EPHA6: variants seen among roughly 807,000 people sequenced by gnomAD.
The protein encoded by EPHA6 is ephrin type-A receptor 6.
A neutral mutation model predicts 112.0 loss-of-function variants in EPHA6; 50 were observed. That is an observed-to-expected ratio of 0.45 (90% CI 0.36 to 0.56). The LOEUF (loss-of-function observed/expected upper bound fraction) is 0.56. EPHA6 is among the 20% of genes least tolerant of loss of function. The pLI, the probability that EPHA6 is intolerant of heterozygous loss-of-function variation, is 0.00. For missense variants in EPHA6, 1,280 were observed against 1,417.4 expected, an observed-to-expected ratio of 0.90 and a Z score of 1.56; for synonymous variants, 529 against 490.7, an observed-to-expected ratio of 1.08 and a Z score of -1.03.
At chr3:96,903,921 T>C (rs929840478) in intron 2 of EPHA6, among the ~76,000 whole-genome samples, 142 of 152,106 alleles carry the variant, frequency 9.3e-4, no homozygotes, top group African/African-American at 3.2e-3. Flanking sequence ...CATCTCACAC[T>C]AGTTAGAATG....
intron 3 of EPHA6, among the ~76,000 whole-genome samples, chr3:97,218,948 A>G (rs570295072): frequency 1.3e-5 from 2 of 152,244 alleles, no homozygotes; most frequent in African/African-American, 4.8e-5. Flanking sequence ...ATTGACCAGA[A>G]CAAAAGGGCT....
intron 1 of EPHA6, among the ~76,000 whole-genome samples, chr3:96,832,094 A>G (rs1287592115): frequency 6.6e-6 from 1 of 152,106 alleles, no homozygotes; most frequent in East Asian, 1.9e-4. Flanking sequence ...TAATTCCTTA[A>G]AAATGCTGTC....
At chr3:97,605,179 C>CT (rs1340335246) in intron 12 of EPHA6, among the ~76,000 whole-genome samples, 34 of 150,340 alleles carry the variant, frequency 2.3e-4, no homozygotes, top group African/African-American at 4.9e-4. Context: ...ATTTAAGCTG[C>CT]TTTTTTTTTA....
chr3:97,586,416 C>T (rs746021671), intron 11 of EPHA6, among the ~76,000 whole-genome samples: 1 of 152,126 alleles, frequency 6.6e-6, no homozygotes, highest in African/African-American at 2.4e-5. Context: ...GTGACATAAA[C>T]TTATTGAATC....
intron 10 of EPHA6, among the ~76,000 whole-genome samples, chr3:97,500,345 G>A (rs997590091): frequency 6.6e-6 from 1 of 152,052 alleles, no homozygotes; most frequent in Non-Finnish European, 1.5e-5. Flanking sequence ...CAGGAAGCAC[G>A]ATGCTGACAC....
chr3:97,682,665 T>C (rs2031954241), intron 14 of EPHA6, among the ~76,000 whole-genome samples: 1 of 152,146 alleles, frequency 6.6e-6, no homozygotes, highest in Non-Finnish European at 1.5e-5. Context: ...GTGCGTTTAG[T>C]TCAAGCAATA....
intron 10 of EPHA6, among the ~76,000 whole-genome samples, chr3:97,522,282 C>T (rs2092555777): frequency 6.6e-6 from 1 of 152,046 alleles, no homozygotes; most frequent in Admixed American, 6.6e-5. Context: ...TTGTCAAATG[C>T]TTTTTCTGTA....
chr3:97,330,093 G>A (rs2082706209), intron 5 of EPHA6, among the ~76,000 whole-genome samples: 1 of 151,892 alleles, frequency 6.6e-6, no homozygotes, highest in South Asian at 2.1e-4. Flanking sequence ...CCCATTTCTT[G>A]TTTTTGTCAG....
intron 5 of EPHA6, among the ~76,000 whole-genome samples, chr3:97,261,117 A>G (rs1211812490): frequency 6.6e-5 from 10 of 152,330 alleles, no homozygotes; most frequent in Non-Finnish European, 8.8e-5. Context: ...CAGAGGAAAT[A>G]TTAGAAAATA....
At chr3:97,540,904 A>C (rs774450653) in intron 11 of EPHA6, among the ~76,000 whole-genome samples, 1 of 152,134 alleles carries the variant, frequency 6.6e-6, no homozygotes, top group South Asian at 2.1e-4. Flanking sequence ...GATAAATCCA[A>C]ATTGGGAAGG....
intron 3 of EPHA6, among the ~76,000 whole-genome samples, chr3:97,100,602 T>C (rs1247800564): frequency 1.3e-5 from 2 of 148,842 alleles, no homozygotes; most frequent in African/African-American, 5.1e-5. Flanking sequence ...CACTGTTCAT[T>C]GTGTGAGCAG....
chr3:97,487,727 G>T (rs2091731519), intron 10 of EPHA6, among the ~76,000 whole-genome samples: 1 of 151,580 alleles, frequency 6.6e-6, no homozygotes, highest in Admixed American at 6.6e-5. Flanking sequence ...GCTTATCTTT[G>T]TTCATCAATA....
chr3:97,115,337 A>C (rs991289848), intron 3 of EPHA6, among the ~76,000 whole-genome samples: 1 of 151,918 alleles, frequency 6.6e-6, no homozygotes, highest in East Asian at 1.9e-4. Flanking sequence ...AGGTAAGGAA[A>C]ACTATGAGAT....
chr3:97,465,903 C>CA (rs1021622991), intron 7 of EPHA6, among the ~76,000 whole-genome samples: 2 of 151,922 alleles, frequency 1.3e-5, no homozygotes, highest in African/African-American at 2.4e-5. Context: ...TTCAATTAAG[C>CA]AAAATATTTC....
At chr3:96,880,407 A>C (rs910434514) in intron 2 of EPHA6, among the ~76,000 whole-genome samples, 6 of 152,200 alleles carry the variant, frequency 3.9e-5, no homozygotes, top group Non-Finnish European at 8.8e-5. Flanking sequence ...AGACATATAG[A>C]AATTGAAAGA....
chr3:97,010,967 G>T (rs2044064935), intron 3 of EPHA6, among the ~76,000 whole-genome samples: 1 of 152,190 alleles, frequency 6.6e-6, no homozygotes, highest in African/African-American at 2.4e-5. Flanking sequence ...ATGTAGGGAT[G>T]TGTATGTGGT....
At chr3:97,469,758 G>A (rs144448816) in intron 7 of EPHA6, among the ~76,000 whole-genome samples, 4 of 151,746 alleles carry the variant, frequency 2.6e-5, no homozygotes, top group African/African-American at 9.6e-5. Context: ...AATGGGAAAT[G>A]TTCTCAATAT....
intron 11 of EPHA6, among the ~76,000 whole-genome samples, chr3:97,566,806 T>C (rs566091189): frequency 6.6e-6 from 1 of 152,200 alleles, no homozygotes; most frequent in Non-Finnish European, 1.5e-5. Flanking sequence ...ATGGACACCT[T>C]CTGTATCTTG....
chr3:97,188,386 A>G (rs765701410), intron 3 of EPHA6, among the ~76,000 whole-genome samples: 24 of 152,162 alleles, frequency 1.6e-4, no homozygotes, highest in Non-Finnish European at 2.8e-4. Flanking sequence ...AACACACAGA[A>G]GCATACTATA....
Sources: gnomAD v4.1 joint callset for allele counts (sites outside exome capture counted in the v4.1 genomes callset) on GRCh38, gnomAD v4.1.1 for gene constraint, MANE v1.5 for transcripts, NCBI Gene and HGNC (gene_info 2026-07-23, HGNC 2026-07-21) for gene names.